ARHGAP17: variants seen among roughly 807,000 people sequenced by gnomAD.
ARHGAP17 encodes Rho GTPase activating protein 17.
A neutral mutation model predicts 99.5 loss-of-function variants in ARHGAP17; 57 were observed. The ratio of observed to expected loss-of-function variants is 0.57; its 90% CI spans 0.46 to 0.71. ARHGAP17 has a LOEUF of 0.71. Ranked by LOEUF, ARHGAP17 falls within the 30% of genes least tolerant of loss-of-function variation. The pLI is 0.00. For synonymous variants in ARHGAP17, 417 were observed against 429.6 expected, an observed-to-expected ratio of 0.97 and a Z score of 0.36; for missense variants, 1,000 against 1,122.4, an observed-to-expected ratio of 0.89 and a Z score of 1.56.
At chr16:24,974,299 C>T (rs545794876) in intron 3 of ARHGAP17, among the ~76,000 whole-genome samples, 50 of 152,244 alleles carry the variant, frequency 3.3e-4, no homozygotes, top group Middle Eastern at 3.4e-3. Flanking sequence ...GGCTTGGTGG[C>T]GTGCACCTGT....
intron 3 of ARHGAP17, among the ~76,000 whole-genome samples, chr16:24,974,668 C>T (rs1365229427): frequency 6.6e-6 from 1 of 151,846 alleles, no homozygotes; most frequent in East Asian, 1.9e-4. Flanking sequence ...TGAAGACAGA[C>T]TGGAAAGGAA....
chr16:24,959,545 A>C (rs531724783), intron 9 of ARHGAP17, 126 bp downstream of exon 9: 1,032 of 851,506 alleles, frequency 1.2e-3, no homozygotes, highest in Admixed American at 1.9e-3. Context: ...GCTGGGAAAC[A>C]GTACCCTCCT....
In ARHGAP17 at chr16:24,931,004, G is replaced by T; in HGVS notation, c.2295C>A (p.Pro765=). Residue 765 remains proline (P), a synonymous_variant, in exon 19 of 20, where the codon CCC becomes CCA. Transcript: ENST00000289968. The part of the protein sequence containing the change: ...PQTPTPPSTP[P]LGKQNPSLPA... ...GCAGACTGGGGTTCTGTTTTCCTAG[G>T]GGCGGAGTACTGGGGGGCGTTGGAG... The T allele has an allele frequency of 2.5e-6, 4 of 1,613,770 alleles. No homozygotes were observed. Among genetic ancestry groups the T allele is most frequent in the Non-Finnish European group, 3.4e-6 (4 of 1,179,888 alleles).
At chr16:24,946,945 T>C (rs759807959) in intron 14 of ARHGAP17, among the ~76,000 whole-genome samples, 2 of 152,224 alleles carry the variant, frequency 1.3e-5, no homozygotes, top group Non-Finnish European at 2.9e-5. Flanking sequence ...TGCTTCAAAT[T>C]CATCATAATA....
chr16:24,964,996 C>T (rs2052131351), intron 6 of ARHGAP17, among the ~76,000 whole-genome samples: 1 of 150,496 alleles, frequency 6.6e-6, no homozygotes, highest in Admixed American at 6.6e-5. Context: ...TATGAAAGCA[C>T]TAAAAAGAAA....
chr16:24,970,921 G>C (rs1316243969), intron 3 of ARHGAP17, among the ~76,000 whole-genome samples: 1 of 152,132 alleles, frequency 6.6e-6, no homozygotes, highest in African/African-American at 2.4e-5. Context: ...TGTCACCCAG[G>C]CTGCAATGCA....
At chr16:24,969,433 T>C (rs1414217950) in intron 4 of ARHGAP17, among the ~76,000 whole-genome samples, 1 of 152,180 alleles carries the variant, frequency 6.6e-6, no homozygotes, top group African/African-American at 2.4e-5. Context: ...GAACATGCTC[T>C]CTGGTGCCAA....
chr16:24,999,882 C>T lies in ARHGAP17; in HGVS notation c.53+15327G>A, dbSNP rs115686724. 2.0e-3 allele frequency among the ~76,000 whole-genome samples: 307 copies of T among 152,326 alleles called. 1 individual carries two copies. The highest frequency in any genetic ancestry group is 7.1e-3 in the African/African-American group (295 of 41,576). ...TTGGCATAGAGCAGTGAAGTGAAGG[C>T]TAACCTGGCTATTTTCCCCAGTGCT... On this transcript the variant is annotated intron_variant, in intron 1 of 19. Transcript: ENST00000289968.
intron 18 of ARHGAP17, among the ~76,000 whole-genome samples, chr16:24,932,144 T>C (rs1044713738): frequency 5.3e-5 from 8 of 151,094 alleles, no homozygotes; most frequent in Non-Finnish European, 1.0e-4. Context: ...ATGGGGGGAC[T>C]AGCCCAATGT....
chr16:24,998,521 C>G (rs1672598739), intron 1 of ARHGAP17, among the ~76,000 whole-genome samples: 1 of 152,062 alleles, frequency 6.6e-6, no homozygotes, highest in East Asian at 1.9e-4. Context: ...AATTAGGAGG[C>G]AGGTCATCCA....
At chr16:24,954,370 T>C (rs1041017073) in intron 10 of ARHGAP17, among the ~76,000 whole-genome samples, 1 of 152,216 alleles carries the variant, frequency 6.6e-6, no homozygotes, top group African/African-American at 2.4e-5. Flanking sequence ...AGGTAAACAT[T>C]GTTTTGTAAA....
In ARHGAP17 at chr16:24,919,864, C is replaced by G. The variant is rs933283273; in HGVS notation, c.*266G>C. On this transcript the variant is annotated 3_prime_UTR_variant, in exon 20 of 20. Transcript: ENST00000289968. ...TTCAGCAGGAATACTCTCTCCACTC[C>G]AGGTACTTCTTTGTTTTGGATTTTT... The G allele has an allele frequency of 2.9e-6, 1 of 346,234 alleles. No homozygotes were observed. Among genetic ancestry groups the G allele is most frequent in the Non-Finnish European group, 5.2e-6 (1 of 190,904 alleles). The allele number at this position is 346,234 out of a possible 1,614,324, so 21.4% of individuals were successfully genotyped here.
intron 10 of ARHGAP17, 81 bp from the exon 11 acceptor site, chr16:24,953,123 T>G: frequency 7.9e-7 from 1 of 1,269,584 alleles, no homozygotes; most frequent in Non-Finnish European, 1.1e-6. Context: ...GATGGGTATT[T>G]CCTGACTTCC....
At chr16:24,927,257 A>G (rs1292647455) in intron 19 of ARHGAP17, among the ~76,000 whole-genome samples, 2 of 152,218 alleles carry the variant, frequency 1.3e-5, no homozygotes, top group Non-Finnish European at 2.9e-5. Context: ...ACTGGCTAAC[A>G]GAATAATCTT....
chr16:24,970,139 C>T (rs979284595), intron 4 of ARHGAP17, among the ~76,000 whole-genome samples: 13 of 151,694 alleles, frequency 8.6e-5, no homozygotes, highest in African/African-American at 2.7e-4. Flanking sequence ...CGCCTGTAAA[C>T]GATGTGACTA....
chr16:24,965,210 C>T (rs1371068746), intron 6 of ARHGAP17, among the ~76,000 whole-genome samples: 1 of 152,194 alleles, frequency 6.6e-6, no homozygotes, highest in Non-Finnish European at 1.5e-5. Flanking sequence ...TTGGCTCACG[C>T]CTGTAATCCC....
At position 25,008,435 on chromosome 16, in the gene ARHGAP17, A is replaced by G. The variant is rs146462460; in HGVS notation, c.53+6774T>C. Among the ~76,000 whole-genome samples, 9 of 152,330 alleles carry G rather than the reference A, an allele frequency of 5.9e-5. No homozygotes were observed. The East Asian group carries it at 1.3e-3, about 23-fold the overall frequency. On this transcript the variant is annotated intron_variant, in intron 1 of 19. Transcript: ENST00000289968. ...TGAATTCTAAAACTTATCTGGCCCAATGATTCCAGATAAGGGACTGTGGGC... is the reference window on the plus strand; with the variant it reads ...TGAATTCTAAAACTTATCTGGCCCAGTGATTCCAGATAAGGGACTGTGGGC...
In ARHGAP17 at chr16:24,931,184, C is replaced by A; in HGVS notation, c.2115G>T (p.Leu705Phe). ...LSAPRRYSSS[L>F]SPIQAPNHPP... ...GGTGATTGGGAGCTTGGATTGGAGA[C>A]AAGCTGCTGGAGTACCTCCGGGGTG... Residue 705 changes from leucine (L) to phenylalanine (F), a missense_variant, in exon 19 of 20, where the codon TTG becomes TTT. Leu to Phe is a conservative substitution (Grantham distance 22, BLOSUM62 0). Transcript: ENST00000289968. 6.3e-7 allele frequency: 1 copy of A among 1,587,474 alleles called. No individual in the cohort carries two copies. The highest frequency in any genetic ancestry group is 8.6e-7 in the Non-Finnish European group (1 of 1,167,476).
chr16:24,967,496 A>G (rs141738418), intron 6 of ARHGAP17, among the ~76,000 whole-genome samples: 3 of 152,322 alleles, frequency 2.0e-5, no homozygotes, highest in Admixed American at 6.5e-5. Context: ...CTGAGAAGAA[A>G]GCCATGTAAG....
Sources: allele counts gnomAD v4.1 joint callset (sites outside exome capture counted in the v4.1 genomes callset), GRCh38; gene constraint gnomAD v4.1.1; transcripts MANE v1.5; gene names NCBI Gene and HGNC (gene_info 2026-07-23, HGNC 2026-07-21).